The following MAML3 variants were observed in gnomAD, a reference collection of about 807,000 sequenced individuals.
The protein encoded by MAML3 is mastermind-like protein 3.
MAML3 carries 27 observed loss-of-function variants against 101.9 expected under a neutral mutation model. The observed-to-expected ratio is 0.27, with a 90% CI of 0.20 to 0.37. The LOEUF (loss-of-function observed/expected upper bound fraction) is 0.37, where lower values mean the gene tolerates loss of function less well. MAML3 is among the 10% of genes least tolerant of loss of function. The pLI is 1.00. For missense variants in MAML3, 1,316 were observed against 1,444.9 expected, an observed-to-expected ratio of 0.91 and a Z score of 1.45; for synonymous variants, 501 against 555.9, an observed-to-expected ratio of 0.90 and a Z score of 1.39.
intron 1 of MAML3, 124 bp from the exon 2 acceptor site, chr4:139,891,091 T>C: frequency 1.7e-6 from 2 of 1,155,144 alleles, no homozygotes; most frequent in East Asian, 2.6e-5. Flanking sequence ...AAAGAAGTCA[T>C]ACTTATAATT....
chr4:139,959,129 C>T (rs190913489), intron 1 of MAML3, among the ~76,000 whole-genome samples: 61 of 152,312 alleles, frequency 4.0e-4, no homozygotes, highest in Non-Finnish European at 6.6e-4. Flanking sequence ...ATTAGTTTAA[C>T]TGATATGTCT....
chr4:139,773,288 A>G (rs7689998), intron 2 of MAML3, among the ~76,000 whole-genome samples: 10,133 of 152,170 alleles, frequency 0.067, 758 homozygotes, highest in African/African-American at 0.18. Flanking sequence ...GCATCCTGTT[A>G]TCTAATGGCA....
chr4:139,869,497 AT>A (rs1301379224), intron 2 of MAML3, among the ~76,000 whole-genome samples: 1 of 152,238 alleles, frequency 6.6e-6, no homozygotes, highest in Non-Finnish European at 1.5e-5. Context: ...AAGAAGCTGG[AT>A]AAGAGCTAAA....
intron 2 of MAML3, among the ~76,000 whole-genome samples, chr4:139,819,042 A>T (rs772180249): frequency 6.6e-6 from 1 of 152,222 alleles, no homozygotes; most frequent in Non-Finnish European, 1.5e-5. Context: ...ATGATCCGAT[A>T]GGGGAGAGAA....
intron 1 of MAML3, among the ~76,000 whole-genome samples, chr4:140,091,864 C>T (rs1384297299): frequency 6.6e-6 from 1 of 151,956 alleles, no homozygotes; most frequent in Non-Finnish European, 1.5e-5. Context: ...CAACCTTCTT[C>T]TCTCCAAGGA....
chr4:139,901,114 C>T (rs181641400), intron 1 of MAML3, among the ~76,000 whole-genome samples: 1 of 152,214 alleles, frequency 6.6e-6, no homozygotes, highest in Non-Finnish European at 1.5e-5. Context: ...TCATGACGCT[C>T]TAAAGGGGAT....
chr4:140,024,561 C>T (rs899892572), intron 1 of MAML3, among the ~76,000 whole-genome samples: 1 of 152,102 alleles, frequency 6.6e-6, no homozygotes, highest in Admixed American at 6.6e-5. Context: ...CCACTGAGCC[C>T]GGCCCAGAGT....
At chr4:139,876,153 C>T in intron 2 of MAML3, among the ~76,000 whole-genome samples, 1 of 151,920 alleles carries the variant, frequency 6.6e-6, no homozygotes, top group East Asian at 1.9e-4. Flanking sequence ...GTAAAATATG[C>T]CATTAGTAAT....
chr4:139,780,949 G>A (rs1181373165), intron 2 of MAML3, among the ~76,000 whole-genome samples: 1 of 152,050 alleles, frequency 6.6e-6, no homozygotes, highest in Non-Finnish European at 1.5e-5. Flanking sequence ...AGTTCTGACG[G>A]CAAAGAATTA....
chr4:140,071,462 A>G (rs898054709), intron 1 of MAML3, among the ~76,000 whole-genome samples: 1 of 152,214 alleles, frequency 6.6e-6, no homozygotes, highest in African/African-American at 2.4e-5. Flanking sequence ...CAGCCCTGCT[A>G]TCGTGGACAT....
intron 1 of MAML3, among the ~76,000 whole-genome samples, chr4:140,091,548 C>CAAAAAAAAAAAACAAAAAAAAAAAAAAA (rs1728051837): frequency 8.3e-6 from 1 of 121,100 alleles, no homozygotes; most frequent in African/African-American, 3.1e-5. Flanking sequence ...AAAAACAAAA[C>CAAAAAAAAAAAACAAAAAAAAAAAAAAA]AAAAAAAAAA....
At chr4:140,120,093 C>T (rs1264045819) in intron 1 of MAML3, among the ~76,000 whole-genome samples, 2 of 151,930 alleles carry the variant, frequency 1.3e-5, no homozygotes, top group Admixed American at 6.6e-5. Context: ...AAAAATTAGC[C>T]GGGCGTGGTG....
chr4:140,067,527 T>C (rs548703493), intron 1 of MAML3, among the ~76,000 whole-genome samples: 94 of 152,276 alleles, frequency 6.2e-4, no homozygotes, highest in African/African-American at 2.0e-3. Flanking sequence ...AGGGGTATGG[T>C]TGATAGAATT....
rs184336450 is a variant in MAML3, at chr4:139,876,810, C to T, written c.2079+12547G>A. Among the ~76,000 whole-genome samples the T allele has an allele frequency of 3.3e-5, 5 of 152,336 alleles. No homozygotes were observed. In the East Asian group the frequency reaches 5.8e-4, roughly 18 times the overall value. ...CCTGCAGGCTGGGGCTGCAGTTTATCGGCTCAGAGGCGTTGCCTGAAGTGG... is the reference window on the plus strand; with the variant it reads ...CCTGCAGGCTGGGGCTGCAGTTTATTGGCTCAGAGGCGTTGCCTGAAGTGG... On this transcript the variant is annotated intron_variant, in intron 2 of 4. Transcript: ENST00000509479.
At chr4:140,136,456 C>T (rs762700588) in intron 1 of MAML3, among the ~76,000 whole-genome samples, 9 of 152,146 alleles carry the variant, frequency 5.9e-5, no homozygotes, top group South Asian at 2.1e-4. Flanking sequence ...GAAATAATGG[C>T]GATACTGGAG....
intron 2 of MAML3, chr4:139,794,431 C>T (rs1032680637): frequency 3.3e-5 from 5 of 152,230 alleles, no homozygotes; most frequent in Non-Finnish European, 5.9e-5. Context: ...CATCTTCACT[C>T]CCAATCTGAC....
intron 2 of MAML3, among the ~76,000 whole-genome samples, chr4:139,859,450 AC>A (rs1284175435): frequency 9.3e-5 from 14 of 150,286 alleles, no homozygotes; most frequent in African/African-American, 3.4e-4. Context: ...CAAGCGACCC[AC>A]CTGCCTCGAC....
chr4:140,063,547 C>T (rs978200781), intron 1 of MAML3, among the ~76,000 whole-genome samples: 2 of 152,190 alleles, frequency 1.3e-5, no homozygotes, highest in African/African-American at 2.4e-5. Context: ...TTTTGGGTAG[C>T]CTTAATGGAT....
chr4:140,114,128 G>C (rs1017456065), intron 1 of MAML3, among the ~76,000 whole-genome samples: 1 of 152,160 alleles, frequency 6.6e-6, no homozygotes, highest in Non-Finnish European at 1.5e-5. Context: ...AGTCTTCCCT[G>C]CACTCTCTGC....
Sources: gnomAD v4.1 joint callset for allele counts (sites outside exome capture counted in the v4.1 genomes callset) on GRCh38, gnomAD v4.1.1 for gene constraint, MANE v1.5 for transcripts, NCBI Gene and HGNC (gene_info 2026-07-23, HGNC 2026-07-21) for gene names.